Variants in OPA1 observed in about 807,000 individuals in gnomAD.
The protein encoded by OPA1 is OPA1 mitochondrial dynamin like GTPase.
In OPA1, 59 loss-of-function variants were observed where a neutral mutation model predicts 152.9. That is an observed-to-expected ratio of 0.39 (90% confidence interval 0.31 to 0.48). OPA1 has a LOEUF of 0.48. OPA1 is among the 20% of genes least tolerant of loss of function. The probability of loss-of-function intolerance (pLI) is 0.96; values close to 1 mark genes in which losing one functional copy is unlikely to be tolerated. For missense variants in OPA1, 1,008 were observed against 1,216.8 expected (o/e 0.83, Z 2.55); for synonymous variants, 400 against 389.9 (o/e 1.03, Z -0.31).
intron 11 of OPA1, among the ~76,000 whole-genome samples, chr3:193,641,521 G>C (rs1009192407): frequency 1.3e-5 from 2 of 152,190 alleles, no homozygotes; most frequent in African/African-American, 4.8e-5. Context: ...GGCACCTTAA[G>C]ACGTGACTAC....
Position 193,687,103 on chromosome 3 carries a change from C to T in OPA1, c.2984-4960C>T, listed in dbSNP as rs560091929. 1.2e-4 allele frequency among the ~76,000 whole-genome samples: 19 copies of T among 152,174 alleles called. No individual in the cohort carries two copies. The South Asian group carries it at 2.1e-3, about 17-fold the overall frequency. On this transcript the variant is annotated intron_variant, in intron 29 of 30. Transcript: ENST00000361510. ...ATTACAGATTAGTCTATATTTGAGA[C>T]TTTTAGAGCAAGTATCAGAAGACCC...
intron 29 of OPA1, among the ~76,000 whole-genome samples, chr3:193,672,293 C>T (rs1718104013): frequency 6.6e-6 from 1 of 152,124 alleles, no homozygotes; most frequent in East Asian, 1.9e-4. Context: ...CCCCATTCTA[C>T]CTCAGAAACT....
intron 29 of OPA1, among the ~76,000 whole-genome samples, chr3:193,689,847 C>T (rs920749948): frequency 2.0e-5 from 3 of 152,054 alleles, no homozygotes; most frequent in South Asian, 2.1e-4. Flanking sequence ...GAGAAGCACC[C>T]GTTTGAGATT....
chr3:193,632,039 C>T (rs569000330), intron 8 of OPA1, among the ~76,000 whole-genome samples: 6 of 152,282 alleles, frequency 3.9e-5, no homozygotes, highest in South Asian at 2.1e-4. Flanking sequence ...TACTTTGCTT[C>T]GCAAGTCTGA....
intron 29 of OPA1, 148 bp downstream of exon 29, chr3:193,667,428 T>C (rs564522045): frequency 1.5e-6 from 1 of 686,052 alleles, no homozygotes; most frequent in South Asian, 1.5e-5. Flanking sequence ...CCCAGCACTT[T>C]GGGAGGCCAA....
chr3:193,643,632 A>G lies in OPA1; in HGVS notation c.1477+5A>G. The stretch of plus-strand genomic sequence containing the variant: ...CCATCATACTGTGTATTCAAGGTAA[A>G]TCATATCAAAAGATTTTAATGTACT... On this transcript the variant is annotated splice_donor_5th_base_variant and intron_variant, in intron 15 of 30. Transcript: ENST00000361510. The G allele has an allele frequency of 6.2e-7, 1 of 1,603,910 alleles. No homozygotes were observed. Among genetic ancestry groups the G allele is most frequent in the South Asian group, 1.1e-5 (1 of 90,836 alleles).
At chr3:193,669,358 G>T (rs1382774868) in intron 29 of OPA1, among the ~76,000 whole-genome samples, 1 of 151,870 alleles carries the variant, frequency 6.6e-6, no homozygotes, top group Non-Finnish European at 1.5e-5. Context: ...TTCATTTTCT[G>T]TCACTTTTGG....
Position 193,643,524 on chromosome 3 carries a change from T to C in OPA1, c.1378-4T>C, listed in dbSNP as rs778161316. The stretch of plus-strand genomic sequence containing the variant: ...TAATGACATTTAAAACCTTTTTCTT[T>C]AAGACTGTGACATCAGGCATGGCTC... On this transcript the variant is annotated splice_polypyrimidine_tract_variant and splice_region_variant and intron_variant, in intron 14 of 30. Coordinates refer to ENST00000361510, the MANE Select transcript of OPA1 (RefSeq NM_130837.3). The C allele has an allele frequency of 6.2e-6, 10 of 1,613,612 alleles. No homozygotes were observed. Among genetic ancestry groups the C allele is most frequent in the Non-Finnish European group, 8.5e-6 (10 of 1,179,616 alleles).
chr3:193,602,503 A>G (rs1726617407), intron 1 of OPA1, among the ~76,000 whole-genome samples: 1 of 152,200 alleles, frequency 6.6e-6, no homozygotes, highest in South Asian at 2.1e-4. Context: ...ATCAGAGTTT[A>G]AGAGAGCAGG....
intron 1 of OPA1, among the ~76,000 whole-genome samples, chr3:193,611,596 CAAAAAAAAA>C (rs35159597): frequency 4.7e-4 from 32 of 68,794 alleles, no homozygotes; most frequent in Admixed American, 2.2e-3. Flanking sequence ...GACTCCACCT[CAAAAAAAAA>C]AAAAAAAAAA....
In OPA1 at chr3:193,631,939, A is replaced by G. The variant is rs142161446; in HGVS notation, c.843+274A>G. ...AAGTGGCTTGTCCTTATATAAACTT[A>G]TGCTTGCATTTTTACATTGATAAGC... On this transcript the variant is annotated intron_variant, in intron 8 of 30. Transcript: ENST00000361510. Among the ~76,000 whole-genome samples, 610 of 152,312 alleles carry G rather than the reference A, an allele frequency of 4.0e-3. 3 individuals are homozygous for G. The highest frequency in any genetic ancestry group is 4.1e-3 in the Admixed American group (63 of 15,300).
At chr3:193,641,009 T>C (rs1733704334) in intron 11 of OPA1, among the ~76,000 whole-genome samples, 2 of 152,204 alleles carry the variant, frequency 1.3e-5, no homozygotes, top group African/African-American at 4.8e-5. Flanking sequence ...TACCAGACTT[T>C]ACATATCCAT....
chr3:193,596,051 C>T (rs1471612629), intron 1 of OPA1, among the ~76,000 whole-genome samples: 1 of 152,132 alleles, frequency 6.6e-6, no homozygotes, highest in Non-Finnish European at 1.5e-5. Context: ...CATACTGCAT[C>T]TAGAAGCTTC....
Position 193,695,045 on chromosome 3 carries a change from G to A in OPA1, c.*445G>A, listed in dbSNP as rs981206695. 1.3e-5 allele frequency: 2 copies of A among 152,194 alleles called. No homozygotes were observed. Among genetic ancestry groups the A allele is most frequent in the Admixed American group, 6.5e-5 (1 of 15,284 alleles). The allele number at this position is 152,194 out of a possible 1,614,324, so 9.4% of individuals were successfully genotyped here. A position where few individuals can be genotyped will look rare whatever the true frequency, so the allele number is the denominator to read the frequency against. On this transcript the variant is annotated 3_prime_UTR_variant, in exon 31 of 31. Coordinates refer to ENST00000361510, the MANE Select transcript of OPA1 (RefSeq NM_130837.3). ...GTTATCAATTGTATATAAAATCACAGTAGCCTGCTAAATCATTGTATGTGT... is the reference window on the plus strand; with the variant it reads ...GTTATCAATTGTATATAAAATCACAATAGCCTGCTAAATCATTGTATGTGT...
chr3:193,614,746 AAC>A lies in OPA1; in HGVS notation c.60_61del (p.His20GlnfsTer52). 6.2e-7 allele frequency: 1 copy of A among 1,613,964 alleles called. No individual in the cohort carries two copies. The highest frequency in any genetic ancestry group is 8.5e-7 in the Non-Finnish European group (1 of 1,179,830). The stretch of plus-strand genomic sequence containing the variant: ...AGTGAGGTCTGCCAGTCTTTAGTGA[AAC>A]ACAGCTCTGGAATAAAAGGAAGTTT... On this transcript the variant is annotated frameshift_variant, in exon 2 of 31. Coordinates refer to ENST00000361510, the MANE Select transcript of OPA1 (RefSeq NM_130837.3). LOFTEE classifies it high-confidence loss of function.
chr3:193,629,441 G>C (rs1438743922), intron 7 of OPA1, among the ~76,000 whole-genome samples: 1 of 151,866 alleles, frequency 6.6e-6, no homozygotes, highest in Non-Finnish European at 1.5e-5. Flanking sequence ...GCTCACGCCT[G>C]TAATCCCAGC....
Position 193,697,457 on chromosome 3 carries a change from A to G in OPA1, c.*2857A>G, listed in dbSNP as rs1577423603. 1.3e-5 allele frequency: 2 copies of G among 152,112 alleles called. No homozygotes were observed. Among genetic ancestry groups the G allele is most frequent in the Admixed American group, 6.5e-5 (1 of 15,284 alleles). 9.4% of individuals were successfully genotyped at this position (152,112 alleles called of 1,614,324 possible). ...CACATTACGTGTAGATATTATTGCA[A>G]CTTATATTTTGCCTGAGCTTGATCA... is the stretch of plus-strand genomic sequence containing the variant. On this transcript the variant is annotated 3_prime_UTR_variant, in exon 31 of 31. Transcript: ENST00000361510.
intron 30 of OPA1, among the ~76,000 whole-genome samples, chr3:193,694,243 T>C (rs1208823628): frequency 2.0e-5 from 3 of 152,228 alleles, no homozygotes; most frequent in Non-Finnish European, 4.4e-5. Flanking sequence ...GTAACCTTGC[T>C]TCATTCTGAC....
intron 11 of OPA1, among the ~76,000 whole-genome samples, chr3:193,642,355 A>T (rs1309302385): frequency 6.6e-6 from 1 of 152,156 alleles, no homozygotes; most frequent in Non-Finnish European, 1.5e-5. Context: ...CTCTCTATAG[A>T]GGTTGAATGA....
Sources: allele counts gnomAD v4.1 joint callset (sites outside exome capture counted in the v4.1 genomes callset), GRCh38; gene constraint gnomAD v4.1.1; transcripts MANE v1.5; gene names NCBI Gene and HGNC (gene_info 2026-07-23, HGNC 2026-07-21).